SHOC1: variants seen among roughly 807,000 people sequenced by gnomAD.
The protein encoded by SHOC1 is shortage in chiasmata 1.
A neutral mutation model predicts 179.2 loss-of-function variants in SHOC1; 136 were observed. That is an observed-to-expected ratio of 0.76 (90% CI 0.66 to 0.87). The LOEUF is 0.87. Among genes scored for constraint, SHOC1 ranks in the 40% least tolerant of loss-of-function variants. The pLI, the probability that SHOC1 is intolerant of heterozygous loss-of-function variation, is 0.00. For missense variants in SHOC1, 1,538 were observed against 1,700.8 expected (o/e 0.90, Z 1.68); for synonymous variants, 489 against 586.6 (o/e 0.83, Z 2.41).
Position 111,735,428 on chromosome 9 carries a change from T to C in SHOC1, c.1417+2852A>G, listed in dbSNP as rs763447768. ...CAACTCTCACTTTTGAGTGAGAATA[T>C]GTGATGTTTGATTTTCTGTTCCTGT... On this transcript the variant is annotated intron_variant, in intron 12 of 27. Transcript: ENST00000682961. Among the ~76,000 whole-genome samples, 3 of 152,312 alleles carry C rather than the reference T, an allele frequency of 2.0e-5. No homozygotes were observed. The East Asian group carries it at 5.8e-4, about 29-fold the overall frequency.
At chr9:111,759,423 G>C (rs370425118) in intron 5 of SHOC1, 13 of 1,379,176 alleles carry the variant, frequency 9.4e-6, no homozygotes, top group African/African-American at 1.4e-5. Context: ...GTATGATATA[G>C]CTTATGTATT....
chr9:111,697,049 G>A (rs10759508), intron 24 of SHOC1, among the ~76,000 whole-genome samples: 122,221 of 152,122 alleles, frequency 0.8, 49,251 homozygotes, highest in East Asian at 0.92. Context: ...AATAAAAAGA[G>A]CATCATTCTT....
intron 24 of SHOC1, among the ~76,000 whole-genome samples, chr9:111,694,728 T>C (rs1831610724): frequency 6.6e-6 from 1 of 152,034 alleles, no homozygotes. Flanking sequence ...TTAAACCTAA[T>C]AGTTGTCAAT....
chr9:111,701,814 T>C (rs1337654502), intron 23 of SHOC1, among the ~76,000 whole-genome samples: 1 of 152,030 alleles, frequency 6.6e-6, no homozygotes, highest in Non-Finnish European at 1.5e-5. Flanking sequence ...TTTAGTACAG[T>C]AGTTAGACAG....
At chr9:111,741,441 T>A (rs967937267) in intron 11 of SHOC1, 35 bp downstream of exon 11, 2 of 1,203,964 alleles carry the variant, frequency 1.7e-6, no homozygotes, top group Admixed American at 3.7e-5. Context: ...TTACCTATAC[T>A]TTCTATTTAT....
intron 27 of SHOC1, among the ~76,000 whole-genome samples, chr9:111,691,336 G>A (rs1831411873): frequency 6.6e-6 from 1 of 152,044 alleles, no homozygotes; most frequent in South Asian, 2.1e-4. Flanking sequence ...AACTTCTTAA[G>A]TTGAATGCTT....
At chr9:111,697,233 T>G (rs10759509) in intron 24 of SHOC1, among the ~76,000 whole-genome samples, 124,658 of 150,770 alleles carry the variant, frequency 0.83, 51,768 homozygotes, top group East Asian at 0.92. Flanking sequence ...GAGTACATGT[T>G]CACAATGTGC....
At chr9:111,774,217 AATT>A (rs1335758949) in intron 5 of SHOC1, among the ~76,000 whole-genome samples, 2 of 152,078 alleles carry the variant, frequency 1.3e-5, no homozygotes, top group African/African-American at 4.8e-5. Context: ...CCCCACAAAA[AATT>A]ATTAAAAAAT....
intron 4 of SHOC1, among the ~76,000 whole-genome samples, chr9:111,778,591 A>T (rs1835915037): frequency 6.6e-6 from 1 of 152,048 alleles, no homozygotes; most frequent in Non-Finnish European, 1.5e-5. Context: ...CAACATGGTG[A>T]AACTCCATCT....
At chr9:111,787,513 G>A (rs1014842774) in intron 2 of SHOC1, among the ~76,000 whole-genome samples, 5 of 152,164 alleles carry the variant, frequency 3.3e-5, no homozygotes, top group African/African-American at 9.7e-5. Context: ...AAGAGAATTT[G>A]AATTAAAAAT....
intron 12 of SHOC1, among the ~76,000 whole-genome samples, chr9:111,730,916 C>A (rs895726038): frequency 1.1e-4 from 16 of 152,322 alleles, no homozygotes; most frequent in African/African-American, 3.8e-4. Flanking sequence ...CCATCTTCAT[C>A]AATAATATTG....
intron 21 of SHOC1, 83 bp downstream of exon 21, chr9:111,705,164 T>TACAC (rs1452730011): frequency 3.2e-4 from 26 of 81,404 alleles, no homozygotes; most frequent in Non-Finnish European, 5.2e-4. Context: ...CCTATCAGAA[T>TACAC]ATATATACAC....
chr9:111,702,272 T>C (rs1236262681), intron 22 of SHOC1, 46 bp from the exon 23 acceptor site: 9 of 1,203,616 alleles, frequency 7.5e-6, no homozygotes, highest in Non-Finnish European at 1.1e-5. Context: ...GGTTGAACAG[T>C]TATTATGAAA....
In SHOC1 at chr9:111,747,549, A is replaced by G. The variant is rs558454205; in HGVS notation, c.970+543T>C. ...GCTATTTCCTCCATTCCTCTTCTAC[A>G]CTCTTTGTAACTGCCATCTTTTTGT... On this transcript the variant is annotated intron_variant, in intron 9 of 27. Transcript: ENST00000682961. Among the ~76,000 whole-genome samples, 13 of 152,012 alleles carry G rather than the reference A, an allele frequency of 8.6e-5. No homozygotes were observed. The East Asian group carries it at 2.5e-3, about 29-fold the overall frequency.
At chr9:111,705,461 G>A in intron 20 of SHOC1, 97 bp from the exon 21 acceptor site, 2 of 485,534 alleles carry the variant, frequency 4.1e-6, no homozygotes, top group Non-Finnish European at 7.3e-6. Context: ...AGTAGGAGTA[G>A]TATAAAAATA....
Position 111,727,757 on chromosome 9 carries a change from T to A in SHOC1, c.1710A>T (p.Ala570=), listed in dbSNP as rs754127624. 1.9e-6 allele frequency: 3 copies of A among 1,613,474 alleles called. No homozygotes were observed. The Admixed American group carries it at 5.0e-5, about 27-fold the overall frequency. ...CTTGTTTTTTGCCATGTTCAAAAGA[T>A]GCTTTTTTAATTATTGAAGAGGAAG... is the stretch of plus-strand genomic sequence containing the variant. ...KSPSSSIIKK[A]SFEHGKKQEN... The change falls in exon 13 of 28, where the codon GCA becomes GCT. Residue 570 remains alanine, a synonymous_variant. Coordinates refer to ENST00000682961, the MANE Select transcript of SHOC1 (RefSeq NM_001378211.1).
At chr9:111,693,730 T>C in intron 26 of SHOC1, 69 bp downstream of exon 26, 1 of 1,002,618 alleles carries the variant, frequency 1.0e-6, no homozygotes, top group Non-Finnish European at 1.4e-6. Flanking sequence ...AAAAATCCTA[T>C]TGTAAAAATA....
At chr9:111,687,233 C>T (rs573646809) in intron 27 of SHOC1, among the ~76,000 whole-genome samples, 1 of 152,282 alleles carries the variant, frequency 6.6e-6, no homozygotes, top group South Asian at 2.1e-4. Flanking sequence ...CAGGCATGAG[C>T]CACCATGCCC....
In SHOC1 at chr9:111,777,271, A is replaced by G. The variant is rs112158510; in HGVS notation, c.258-1296T>C. 9.4e-3 allele frequency among the ~76,000 whole-genome samples: 1,436 copies of G among 152,338 alleles called. 23 individuals carry two copies. The highest frequency in any genetic ancestry group is 0.033 in the African/African-American group (1,370 of 41,576). ...TCAGACTCTTGCAGCCAGAGGCCGC[A>G]TGACTCCTAAACCAAAATTTCTAAT... On this transcript the variant is annotated intron_variant, in intron 4 of 27. Transcript: ENST00000682961.
Sources: allele counts gnomAD v4.1 joint callset (sites outside exome capture counted in the v4.1 genomes callset), GRCh38; gene constraint gnomAD v4.1.1; transcripts MANE v1.5; gene names NCBI Gene and HGNC (gene_info 2026-07-23, HGNC 2026-07-21).